Variants in SDK1 observed in about 807,000 individuals in gnomAD.
SDK1 encodes the protein protein sidekick-1.
In SDK1, 157 loss-of-function variants were observed where a neutral mutation model predicts 245.5. The ratio of observed to expected loss-of-function variants is 0.64; its 90% CI spans 0.56 to 0.73. The LOEUF (loss-of-function observed/expected upper bound fraction) is 0.73. Among genes scored for constraint, SDK1 ranks in the 30% least tolerant of loss-of-function variants. The pLI is 0.00. For missense variants in SDK1, 3,583 were observed against 3,002.3 expected, an observed-to-expected ratio of 1.19 and a Z score of -4.52; for synonymous variants, 1,647 against 1,278.5, an observed-to-expected ratio of 1.29 and a Z score of -6.15.
chr7:4,226,699 A>C (rs1785469195), intron 40 of SDK1, among the ~76,000 whole-genome samples: 1 of 152,240 alleles, frequency 6.6e-6, no homozygotes, highest in Admixed American at 6.5e-5. Context: ...GTTTCCTCCA[A>C]ATTGGTGTTG....
At chr7:3,563,207 A>G (rs1473908084) in intron 1 of SDK1, among the ~76,000 whole-genome samples, 1 of 152,178 alleles carries the variant, frequency 6.6e-6, no homozygotes, top group Non-Finnish European at 1.5e-5. Flanking sequence ...GTGGGATGGA[A>G]AGAATAAAAC....
In SDK1 at chr7:4,245,745, C is replaced by T. The variant is rs751795339; in HGVS notation, c.6321C>T (p.Gly2107=). The T allele has an allele frequency of 1.1e-5, 17 of 1,613,916 alleles. No homozygotes were observed. Among genetic ancestry groups the T allele is most frequent in the East Asian group, 4.5e-5 (2 of 44,864 alleles). Residue 2107 remains glycine, a synonymous_variant, in exon 44 of 45, where the codon GGC becomes GGT. Coordinates refer to ENST00000404826, the MANE Select transcript of SDK1 (RefSeq NM_152744.4). ...SDEDICNKYN[G]AVLTESVSLK... ...AGGACATCTGCAACAAGTACAACGG[C>T]GCCGTGCTGACCGAGAGCGTGAGCC...
intron 1 of SDK1, among the ~76,000 whole-genome samples, chr7:3,428,646 G>C (rs1317240691): frequency 6.6e-6 from 1 of 152,184 alleles, no homozygotes; most frequent in African/African-American, 2.4e-5. Flanking sequence ...TCTGTGCTTA[G>C]CTTGGGCTAA....
intron 1 of SDK1, among the ~76,000 whole-genome samples, chr7:3,322,188 A>G (rs899908680): frequency 1.3e-5 from 2 of 151,428 alleles, no homozygotes; most frequent in Non-Finnish European, 2.9e-5. Flanking sequence ...ATGACCATCC[A>G]CCCGTGTTCT....
chr7:3,704,934 T>C (rs1264141914), intron 4 of SDK1, among the ~76,000 whole-genome samples: 1 of 152,250 alleles, frequency 6.6e-6, no homozygotes, highest in Non-Finnish European at 1.5e-5. Context: ...ATACCATTTA[T>C]TAAATAGAGT....
At position 4,127,536 on chromosome 7, in the gene SDK1, G is replaced by A. The variant is rs368066362; in HGVS notation, c.3939+40G>A. 26 of 1,470,248 alleles carry A rather than the reference G, an allele frequency of 1.8e-5. No individual in the cohort carries two copies. The African/African-American group carries it at 3.5e-4, about 20-fold the overall frequency. 91.1% of individuals were successfully genotyped at this position (1,470,248 alleles called of 1,614,324 possible). On this transcript the variant is annotated intron_variant, in intron 26 of 44. Transcript: ENST00000404826. The stretch of plus-strand genomic sequence containing the variant: ...GATGACCTCCCTTTGCTTAAAGAGT[G>A]GGCTGGGGAAATGGGAGCATGTGCT...
At chr7:4,048,159 G>T (rs755536384) in intron 17 of SDK1, among the ~76,000 whole-genome samples, 2 of 152,156 alleles carry the variant, frequency 1.3e-5, no homozygotes, top group Admixed American at 1.3e-4. Context: ...ATGGGATCCC[G>T]TGTGTTCCGG....
At chr7:3,426,712 G>T (rs1035152820) in intron 1 of SDK1, among the ~76,000 whole-genome samples, 1 of 152,170 alleles carries the variant, frequency 6.6e-6, no homozygotes, top group Non-Finnish European at 1.5e-5. Context: ...TGCCCTCATG[G>T]CCATAGCCTT....
chr7:4,115,775 C>T lies in SDK1; in HGVS notation c.3823+1501C>T, dbSNP rs553664363. Among the ~76,000 whole-genome samples, 5 of 152,288 alleles carry T rather than the reference C, an allele frequency of 3.3e-5. No homozygotes were observed. In the South Asian group the frequency reaches 8.3e-4, roughly 25 times the overall value. ...TGCTTCTGTCCCTGTACTACAATGC[C>T]GTGCAAAGAGACAGTCCCCCTGTTG... On this transcript the variant is annotated intron_variant, in intron 25 of 44. Transcript: ENST00000404826.
intron 38 of SDK1, among the ~76,000 whole-genome samples, chr7:4,211,894 C>T (rs1481154001): frequency 6.6e-6 from 1 of 152,230 alleles, no homozygotes; most frequent in South Asian, 2.1e-4. Flanking sequence ...CAGGCGTGAG[C>T]CACCGTGCCC....
At chr7:3,967,496 T>C (rs1223831228) in intron 10 of SDK1, 62 bp downstream of exon 10, 1 of 970,660 alleles carries the variant, frequency 1.0e-6, no homozygotes, top group African/African-American at 1.6e-5. Context: ...ATCGGGCCAG[T>C]GCTTGCTTCT....
chr7:3,740,054 A>C (rs970608194), intron 4 of SDK1, among the ~76,000 whole-genome samples: 3 of 152,048 alleles, frequency 2.0e-5, no homozygotes, highest in Non-Finnish European at 4.4e-5. Flanking sequence ...GGTTTCTTTA[A>C]ATTATTTGAG....
At chr7:4,230,539 G>GAA (rs1175891267) in intron 40 of SDK1, among the ~76,000 whole-genome samples, 1 of 151,730 alleles carries the variant, frequency 6.6e-6, no homozygotes, top group Non-Finnish European at 1.5e-5. Flanking sequence ...AGGAAGGAAG[G>GAA]AAAAATGGAT....
At chr7:3,875,994 G>C (rs6462412) in intron 5 of SDK1, among the ~76,000 whole-genome samples, 48,688 of 152,040 alleles carry the variant, frequency 0.32, 10,318 homozygotes, top group African/African-American at 0.61. Context: ...CTCACACAAT[G>C]TGGGGGAAAG....
intron 1 of SDK1, among the ~76,000 whole-genome samples, chr7:3,455,043 T>C (rs1376882343): frequency 3.3e-5 from 5 of 152,216 alleles, no homozygotes; most frequent in African/African-American, 7.2e-5. Context: ...TGCAGTGATA[T>C]CTTGTGGCTT....
At position 3,846,145 on chromosome 7, in the gene SDK1, A is replaced by G. The variant is rs57744825; in HGVS notation, c.847+24562A>G. 9.0e-3 allele frequency among the ~76,000 whole-genome samples: 1,366 copies of G among 152,284 alleles called. 23 individuals carry two copies. The highest frequency in any genetic ancestry group is 0.031 in the African/African-American group (1,299 of 41,550). ...TGCTGAGAAATGACATTCTCTCTTA[A>G]TTTCATGAACTGAGTAGTAAAAGAG... On this transcript the variant is annotated intron_variant, in intron 5 of 44. Coordinates refer to ENST00000404826, the MANE Select transcript of SDK1 (RefSeq NM_152744.4).
chr7:3,705,269 T>G (rs932462179), intron 4 of SDK1, among the ~76,000 whole-genome samples: 9 of 151,970 alleles, frequency 5.9e-5, no homozygotes, highest in African/African-American at 2.2e-4. Context: ...ATCTGTAGAT[T>G]GTTTTGGATA....
intron 35 of SDK1, among the ~76,000 whole-genome samples, chr7:4,181,615 A>C (rs1584388658): frequency 3.6e-5 from 5 of 137,824 alleles, no homozygotes; most frequent in South Asian, 2.3e-4. Context: ...CTCCTGCCCC[A>C]CTCCTCCTCA....
At chr7:4,247,357 C>T (rs1786948468) in intron 44 of SDK1, among the ~76,000 whole-genome samples, 1 of 152,150 alleles carries the variant, frequency 6.6e-6, no homozygotes, top group Non-Finnish European at 1.5e-5. Flanking sequence ...CGCACCATAG[C>T]CTTGGGCTTG....
Sources: allele counts gnomAD v4.1 joint callset (sites outside exome capture counted in the v4.1 genomes callset), GRCh38; gene constraint gnomAD v4.1.1; transcripts MANE v1.5; gene names NCBI Gene and HGNC (gene_info 2026-07-23, HGNC 2026-07-21).